Variants in CMTM7 observed in about 807,000 individuals in gnomAD.
The protein encoded by CMTM7 is CKLF-like MARVEL transmembrane domain-containing protein 7.
A neutral mutation model predicts 19.3 loss-of-function variants in CMTM7; 7 were observed. The observed-to-expected ratio is 0.36, with a 90% confidence interval of 0.21 to 0.68. The LOEUF is 0.68. Ranked by LOEUF, CMTM7 falls within the 30% of genes least tolerant of loss-of-function variation. The pLI is 0.60. For missense variants in CMTM7, 193 were observed against 232.6 expected (o/e 0.83, Z 1.11); for synonymous variants, 87 against 99.3 (o/e 0.88, Z 0.74).
intron 1 of CMTM7, among the ~76,000 whole-genome samples, chr3:32,426,717 CA>C (rs1696438601): frequency 6.6e-6 from 1 of 152,096 alleles, no homozygotes; most frequent in African/African-American, 2.4e-5. Context: ...GTAATTTTTC[CA>C]CTTTTATAAC....
chr3:32,393,230 G>A (rs1339068058), intron 1 of CMTM7, among the ~76,000 whole-genome samples: 1 of 152,200 alleles, frequency 6.6e-6, no homozygotes, highest in Non-Finnish European at 1.5e-5. Context: ...CTAAAGAGAA[G>A]GGGCGCTGAG....
chr3:32,396,622 T>C (rs901005594), intron 1 of CMTM7, among the ~76,000 whole-genome samples: 2 of 152,068 alleles, frequency 1.3e-5, no homozygotes, highest in Non-Finnish European at 2.9e-5. Context: ...TATGTAATTA[T>C]GTAAGTAGAC....
chr3:32,406,025 G>C (rs920421613), intron 1 of CMTM7, among the ~76,000 whole-genome samples: 2 of 152,208 alleles, frequency 1.3e-5, no homozygotes, highest in African/African-American at 4.8e-5. Context: ...GGTGATACCA[G>C]TTTCTTGTGT....
At chr3:32,396,783 C>T (rs930882434) in intron 1 of CMTM7, among the ~76,000 whole-genome samples, 18 of 152,300 alleles carry the variant, frequency 1.2e-4, no homozygotes, top group African/African-American at 4.3e-4. Context: ...AAAAGCTGGG[C>T]TGAAAGGCAT....
At chr3:32,420,324 GT>G (rs1696325425) in intron 1 of CMTM7, among the ~76,000 whole-genome samples, 1 of 152,226 alleles carries the variant, frequency 6.6e-6, no homozygotes, top group South Asian at 2.1e-4. Flanking sequence ...GGCTTTTGCA[GT>G]GGCAAGGAGG....
intron 4 of CMTM7, among the ~76,000 whole-genome samples, chr3:32,453,418 A>G (rs1429162731): frequency 6.6e-6 from 1 of 152,184 alleles, no homozygotes; most frequent in Non-Finnish European, 1.5e-5. Context: ...GTGCTGTTTC[A>G]TAATATGTTT....
intron 1 of CMTM7, among the ~76,000 whole-genome samples, chr3:32,394,987 C>T (rs548814815): frequency 4.0e-5 from 6 of 151,042 alleles, no homozygotes; most frequent in African/African-American, 7.3e-5. Context: ...TGAGCTGCCG[C>T]GCTCGGCTAA....
chr3:32,450,166 C>T (rs1213914546), intron 3 of CMTM7, among the ~76,000 whole-genome samples: 2 of 152,124 alleles, frequency 1.3e-5, no homozygotes, highest in African/African-American at 4.8e-5. Flanking sequence ...TCATAGATTC[C>T]TGTCATCTGA....
At chr3:32,425,493 GA>G (rs5847764) in intron 1 of CMTM7, among the ~76,000 whole-genome samples, 112,245 of 147,556 alleles carry the variant, frequency 0.76, 42,604 homozygotes, top group Non-Finnish European at 0.78. Flanking sequence ...GACTTTCCAG[GA>G]AAAAAAAAAA....
At chr3:32,446,502 T>G (rs1236584125) in intron 2 of CMTM7, among the ~76,000 whole-genome samples, 1 of 152,168 alleles carries the variant, frequency 6.6e-6, no homozygotes, top group African/African-American at 2.4e-5. Flanking sequence ...GCTTTAATCT[T>G]TATTTTTTTT....
intron 1 of CMTM7, among the ~76,000 whole-genome samples, chr3:32,404,824 A>T (rs1445970764): frequency 6.6e-6 from 1 of 152,242 alleles, no homozygotes; most frequent in African/African-American, 2.4e-5. Context: ...AGGTGAAGGG[A>T]TGTTACAGAA....
In CMTM7 at chr3:32,395,220, G is replaced by T. The variant is rs557873548; in HGVS notation, c.159+3155G>T. Among the ~76,000 whole-genome samples the T allele has an allele frequency of 2.6e-4, 40 of 152,160 alleles. No homozygotes were observed. The East Asian group carries it at 7.0e-3, about 27-fold the overall frequency. On this transcript the variant is annotated intron_variant, in intron 1 of 4. Transcript: ENST00000334983. ...GGGTTTTGCTATGTTGCCCAGACTGGTCTTGAACTTAGAGATTCAAGGGAT... is the reference window on the plus strand; with the variant it reads ...GGGTTTTGCTATGTTGCCCAGACTGTTCTTGAACTTAGAGATTCAAGGGAT...
Position 32,449,534 on chromosome 3 carries a change from C to T in CMTM7, c.414C>T (p.Ser138=), listed in dbSNP as rs746579801. 3.0e-5 allele frequency: 48 copies of T among 1,613,504 alleles called. No individual in the cohort carries two copies. The highest frequency in any genetic ancestry group is 1.6e-4 in the Middle Eastern group (1 of 6,084). Residue 138 remains serine, a synonymous_variant, in exon 3 of 5, where the codon AGC becomes AGT. Coordinates refer to ENST00000334983, the MANE Select transcript of CMTM7 (RefSeq NM_138410.4). The surrounding 1 kb of genome is among the most constrained non-coding windows in gnomAD (Gnocchi z 4.5). The part of the protein sequence containing the change: ...IVAASKSYNQ[S]GLVAGAIFGF... ...CAGCTTCCAAGAGTTACAACCAGAG[C>T]GGACTGGTAGCCGGAGCGGTGAGGA... is the stretch of plus-strand genomic sequence containing the variant.
intron 1 of CMTM7, among the ~76,000 whole-genome samples, chr3:32,417,313 A>G (rs1049991042): frequency 3.9e-5 from 6 of 152,220 alleles, no homozygotes; most frequent in African/African-American, 1.2e-4. Context: ...TGTCGTATAA[A>G]TGGAATAATA....
intron 1 of CMTM7, among the ~76,000 whole-genome samples, chr3:32,396,525 A>C (rs1695921552): frequency 6.6e-6 from 1 of 152,124 alleles, no homozygotes; most frequent in African/African-American, 2.4e-5. Context: ...CAACAACAAC[A>C]ACAAAATTGG....
intron 1 of CMTM7, among the ~76,000 whole-genome samples, chr3:32,414,290 G>A (rs1023252632): frequency 1.9e-4 from 29 of 152,162 alleles, no homozygotes; most frequent in Admixed American, 1.5e-3. Flanking sequence ...TTCCACTGAC[G>A]TTGAAAATTT....
At chr3:32,402,690 C>T (rs1696028638) in intron 1 of CMTM7, among the ~76,000 whole-genome samples, 1 of 152,138 alleles carries the variant, frequency 6.6e-6, no homozygotes, top group African/African-American at 2.4e-5. Flanking sequence ...CCTCAGCCTC[C>T]CAAGTAGCTG....
chr3:32,407,644 C>T (rs995982021), intron 1 of CMTM7, among the ~76,000 whole-genome samples: 3 of 152,142 alleles, frequency 2.0e-5, no homozygotes, highest in African/African-American at 2.4e-5. Flanking sequence ...GATAATGTGA[C>T]ATTGGTTTTT....
intron 1 of CMTM7, among the ~76,000 whole-genome samples, chr3:32,433,255 C>T (rs975661342): frequency 1.3e-5 from 2 of 152,188 alleles, no homozygotes; most frequent in African/African-American, 4.8e-5. Context: ...AGCTTTCTAG[C>T]CCGAACTTTC....
Sources: allele counts gnomAD v4.1 joint callset (sites outside exome capture counted in the v4.1 genomes callset), GRCh38; gene constraint gnomAD v4.1.1; non-coding constraint Gnocchi (gnomAD v3.1); transcripts MANE v1.5; gene names NCBI Gene and HGNC (gene_info 2026-07-23, HGNC 2026-07-21).